LPP: variants seen among roughly 807,000 people sequenced by gnomAD.
LPP encodes lipoma-preferred partner.
A neutral mutation model predicts 60.4 loss-of-function variants in LPP; 38 were observed. That is an observed-to-expected ratio of 0.63 (90% CI 0.49 to 0.83). LPP has a LOEUF of 0.83. LPP is among the 40% of genes least tolerant of loss of function. The probability of loss-of-function intolerance (pLI) is 0.00; values close to 1 mark genes in which losing one functional copy is unlikely to be tolerated. For missense variants in LPP, 902 were observed against 783.6 expected (o/e 1.15, Z -1.80); for synonymous variants, 328 against 290.8 (o/e 1.13, Z -1.30).
intron 9 of LPP, among the ~76,000 whole-genome samples, chr3:188,791,098 G>A (rs3898140): frequency 0.69 from 105,219 of 151,890 alleles, 36,735 homozygotes; most frequent in East Asian, 0.9. Flanking sequence ...GTATCTTGCA[G>A]TCTGTCAGCA....
At chr3:188,255,684 A>G (rs192756423) in intron 2 of LPP, among the ~76,000 whole-genome samples, 1 of 152,330 alleles carries the variant, frequency 6.6e-6, no homozygotes, top group African/African-American at 2.4e-5. Context: ...TTTCTGCACC[A>G]TACTGTGTTT....
At chr3:188,767,346 A>T (rs1236872865) in intron 9 of LPP, among the ~76,000 whole-genome samples, 3 of 152,194 alleles carry the variant, frequency 2.0e-5, no homozygotes, top group Non-Finnish European at 4.4e-5. Flanking sequence ...CCCATGAAGA[A>T]TAGCCCTGAG....
intron 6 of LPP, among the ~76,000 whole-genome samples, chr3:188,537,690 A>G (rs1471542762): frequency 6.6e-6 from 1 of 152,220 alleles, no homozygotes; most frequent in Non-Finnish European, 1.5e-5. Context: ...TTTGATATAT[A>G]GATGCAAAGC....
chr3:188,662,644 T>C (rs905526623), intron 7 of LPP, among the ~76,000 whole-genome samples: 1 of 152,260 alleles, frequency 6.6e-6, no homozygotes, highest in Non-Finnish European at 1.5e-5. Flanking sequence ...AGCTTAATTA[T>C]GTAAAGAGCT....
chr3:188,259,184 T>C (rs538676826), intron 2 of LPP, among the ~76,000 whole-genome samples: 148 of 152,316 alleles, frequency 9.7e-4, no homozygotes, highest in Middle Eastern at 3.4e-3. Flanking sequence ...TGTTTGCTAA[T>C]TTAATTTACT....
chr3:188,312,159 A>C (rs1753671600), intron 2 of LPP, among the ~76,000 whole-genome samples: 1 of 130,580 alleles, frequency 7.7e-6, no homozygotes, highest in African/African-American at 4.4e-5. Flanking sequence ...ACACAGAAAC[A>C]CACACACAAA....
intron 7 of LPP, among the ~76,000 whole-genome samples, chr3:188,638,524 G>A (rs1849329704): frequency 6.8e-6 from 1 of 146,694 alleles, no homozygotes; most frequent in East Asian, 2.0e-4. Context: ...GGGCAGTTAG[G>A]CAGGAGAAGG....
At chr3:188,366,867 C>T (rs1771319746) in intron 3 of LPP, among the ~76,000 whole-genome samples, 1 of 151,852 alleles carries the variant, frequency 6.6e-6, no homozygotes, top group African/African-American at 2.4e-5. Flanking sequence ...TGCCTGATGT[C>T]TTCTCACTGT....
At chr3:188,612,440 G>A (rs1391311253) in intron 7 of LPP, among the ~76,000 whole-genome samples, 2 of 152,152 alleles carry the variant, frequency 1.3e-5, no homozygotes, top group Non-Finnish European at 2.9e-5. Flanking sequence ...GTGACTACGG[G>A]CATGAGAAAT....
intron 1 of LPP, among the ~76,000 whole-genome samples, chr3:188,219,550 C>T (rs932562545): frequency 2.0e-5 from 3 of 152,140 alleles, no homozygotes; most frequent in Non-Finnish European, 2.9e-5. Context: ...AGGCTATTTG[C>T]ATAGCCCTAC....
Position 188,524,742 on chromosome 3 carries a change from G to A in LPP, c.384G>A (p.Leu128=). The change falls in exon 6 of 12, where the codon TTG becomes TTA. Residue 128 remains leucine (L), a synonymous_variant. Transcript: ENST00000617246. Reference sequence around the variant, plus strand: ...AGATTGACTCCTTGACCAGCATCTTGGCTGACCTTGAGTGCAGCTCCCCCT... The same window carrying A: ...AGATTGACTCCTTGACCAGCATCTTAGCTGACCTTGAGTGCAGCTCCCCCT... ...DAEIDSLTSI[L]ADLECSSPYK... 4 of 1,614,062 alleles carry A rather than the reference G, an allele frequency of 2.5e-6. No individual in the cohort carries two copies. The highest frequency in any genetic ancestry group is 3.4e-6 in the Non-Finnish European group (4 of 1,179,994).
chr3:188,601,326 G>A (rs1841127404), intron 6 of LPP, among the ~76,000 whole-genome samples: 1 of 152,020 alleles, frequency 6.6e-6, no homozygotes, highest in Non-Finnish European at 1.5e-5. Context: ...AAACATTTAT[G>A]CTCTCTGGTC....
intron 3 of LPP, among the ~76,000 whole-genome samples, chr3:188,363,678 G>A (rs1243998143): frequency 2.0e-5 from 3 of 152,078 alleles, no homozygotes; most frequent in Admixed American, 6.6e-5. Context: ...AGGCCAAGGC[G>A]GGCAGATCAC....
intron 8 of LPP, among the ~76,000 whole-genome samples, chr3:188,720,798 A>G (rs78040873): frequency 1.3e-5 from 2 of 152,296 alleles, no homozygotes; most frequent in East Asian, 1.9e-4. Context: ...TTGAGCTTGC[A>G]TGAGCCTTGA....
chr3:188,634,676 G>A (rs181552633), intron 7 of LPP, among the ~76,000 whole-genome samples: 28 of 152,260 alleles, frequency 1.8e-4, no homozygotes, highest in African/African-American at 5.5e-4. Flanking sequence ...TATATTTTGC[G>A]TGCTCCTTAT....
chr3:188,723,794 A>G (rs960099308), intron 8 of LPP, among the ~76,000 whole-genome samples: 1 of 152,028 alleles, frequency 6.6e-6, no homozygotes, highest in Non-Finnish European at 1.5e-5. Flanking sequence ...ATTTATTTCT[A>G]ATTTTTGTTA....
chr3:188,362,825 G>A (rs1424128434), intron 3 of LPP, among the ~76,000 whole-genome samples: 1 of 152,130 alleles, frequency 6.6e-6, no homozygotes, highest in Non-Finnish European at 1.5e-5. Context: ...ACGTTCTGTG[G>A]CCAGCATGTC....
chr3:188,786,866 CT>C (rs1379530798), intron 9 of LPP, among the ~76,000 whole-genome samples: 2 of 152,152 alleles, frequency 1.3e-5, no homozygotes, highest in Non-Finnish European at 1.5e-5. Context: ...ATATAACATT[CT>C]TGAAATAACA....
chr3:188,240,550 A>G (rs534095122), intron 2 of LPP, among the ~76,000 whole-genome samples: 7 of 152,320 alleles, frequency 4.6e-5, no homozygotes, highest in African/African-American at 1.4e-4. Flanking sequence ...TGCCTAGAGT[A>G]GTTGAGAGCT....
Sources: allele counts gnomAD v4.1 joint callset (sites outside exome capture counted in the v4.1 genomes callset), GRCh38; gene constraint gnomAD v4.1.1; transcripts MANE v1.5; gene names NCBI Gene and HGNC (gene_info 2026-07-23, HGNC 2026-07-21).